The following ZNF366 variants were observed in gnomAD, a reference collection of about 807,000 sequenced individuals.
The protein encoded by ZNF366 is zinc finger protein 366.
A neutral mutation model predicts 47.2 loss-of-function variants in ZNF366; 20 were observed. That is an observed-to-expected ratio of 0.42 (90% confidence interval 0.30 to 0.62). ZNF366 has a LOEUF of 0.62. Among genes scored for constraint, ZNF366 ranks in the 20% least tolerant of loss-of-function variants. The pLI, the probability that ZNF366 is intolerant of heterozygous loss-of-function variation, is 0.16. For synonymous variants in ZNF366, 421 were observed against 395.1 expected, an observed-to-expected ratio of 1.07 and a Z score of -0.78; for missense variants, 987 against 976.3, an observed-to-expected ratio of 1.01 and a Z score of -0.15.
chr5:72,456,880 C>T (rs1373935499), intron 2 of ZNF366, among the ~76,000 whole-genome samples: 3 of 152,020 alleles, frequency 2.0e-5, no homozygotes, highest in Non-Finnish European at 4.4e-5. Context: ...GTTAAGTCTC[C>T]AGTGATAGTT....
intron 1 of ZNF366, among the ~76,000 whole-genome samples, chr5:72,491,247 G>A (rs1482672963): frequency 6.6e-6 from 1 of 152,226 alleles, no homozygotes; most frequent in Non-Finnish European, 1.5e-5. Flanking sequence ...CATCATTGCA[G>A]AATTCATGTT....
intron 1 of ZNF366, among the ~76,000 whole-genome samples, chr5:72,471,616 T>G (rs972810624): frequency 6.6e-6 from 1 of 152,198 alleles, no homozygotes; most frequent in African/African-American, 2.4e-5. Flanking sequence ...CTGCAGCTGT[T>G]CAGTGCCTGG....
chr5:72,454,634 A>G (rs1279276035), intron 3 of ZNF366, among the ~76,000 whole-genome samples: 1 of 152,216 alleles, frequency 6.6e-6, no homozygotes, highest in Non-Finnish European at 1.5e-5. Context: ...TATTTTAGCA[A>G]CTTGACTCCA....
chr5:72,446,317 A>G (rs1030626114), intron 4 of ZNF366, among the ~76,000 whole-genome samples: 3 of 152,254 alleles, frequency 2.0e-5, no homozygotes, highest in African/African-American at 7.2e-5. Flanking sequence ...TGCTTTGATC[A>G]TACTAGTGAC....
chr5:72,457,773 A>G (rs968210281), intron 2 of ZNF366, among the ~76,000 whole-genome samples: 3 of 152,154 alleles, frequency 2.0e-5, no homozygotes, highest in Admixed American at 2.0e-4. Context: ...GTGGTGGGTC[A>G]TGAGAACCCT....
intron 1 of ZNF366, among the ~76,000 whole-genome samples, chr5:72,463,139 G>C (rs1280348255): frequency 6.6e-6 from 1 of 152,194 alleles, no homozygotes; most frequent in Admixed American, 6.5e-5. Context: ...GGGCTGAGAG[G>C]GCCAACAGTT....
intron 4 of ZNF366, among the ~76,000 whole-genome samples, chr5:72,446,200 C>G (rs543673191): frequency 6.6e-6 from 1 of 152,338 alleles, no homozygotes; most frequent in African/African-American, 2.4e-5. Flanking sequence ...AGCAGTTTAT[C>G]TAACACCTCT....
Position 72,460,369 on chromosome 5 carries a change from G to C in ZNF366, c.1128C>G (p.Thr376=). The C allele has an allele frequency of 6.2e-7, 1 of 1,614,246 alleles. No homozygotes were observed. Among genetic ancestry groups the C allele is most frequent in the Non-Finnish European group, 8.5e-7 (1 of 1,180,046 alleles). Residue 376 remains threonine, a synonymous_variant, in exon 2 of 5, where the codon ACC becomes ACG. Transcript: ENST00000318442. ...ICVECGLDFP[T]LAQLKRHLTT... ...TGAGGTGTCTCTTCAGCTGGGCCAAGGTGGGGAAGTCGAGGCCGCACTCCA... is the reference window on the plus strand; with the variant it reads ...TGAGGTGTCTCTTCAGCTGGGCCAACGTGGGGAAGTCGAGGCCGCACTCCA...
intron 1 of ZNF366, among the ~76,000 whole-genome samples, chr5:72,464,773 G>A (rs188433114): frequency 1.3e-5 from 2 of 152,202 alleles, no homozygotes; most frequent in Admixed American, 6.5e-5. Context: ...TAAAAAGTAG[G>A]ATCTCGGCTG....
intron 1 of ZNF366, among the ~76,000 whole-genome samples, chr5:72,474,092 T>C (rs1364302862): frequency 6.6e-6 from 1 of 152,244 alleles, no homozygotes; most frequent in Admixed American, 6.5e-5. Context: ...ACATTATCAT[T>C]ATGGCTTATT....
chr5:72,471,020 C>G (rs4703908), intron 1 of ZNF366, among the ~76,000 whole-genome samples: 31,396 of 152,218 alleles, frequency 0.21, 3,409 homozygotes, highest in East Asian at 0.4. Context: ...ATGAGTCTCT[C>G]AGTGAGTATG....
In ZNF366 at chr5:72,443,853, G is replaced by A; in HGVS notation, c.2138C>T (p.Ser713Phe). Residue 713 changes from serine (S) to phenylalanine (F), a missense_variant, in exon 5 of 5, where the codon TCT becomes TTT. Physicochemically the swap from Ser to Phe is radical, Grantham distance 155 (BLOSUM62 -2). Coordinates refer to ENST00000318442, the MANE Select transcript of ZNF366 (RefSeq NM_152625.3). Reference sequence around the variant, plus strand: ...CTTGAAGTATAAGTAATCAGAAAAAGAGGGGCCCCGCCGGGTACTCTGAAA... The same window carrying A: ...CTTGAAGTATAAGTAATCAGAAAAAAAGGGGCCCCGCCGGGTACTCTGAAA... Reference protein sequence around the residue: ...RAFQSTRRGPSFSDYLYFKHR... With the variant: ...RAFQSTRRGPFFSDYLYFKHR... The A allele has an allele frequency of 6.2e-7, 1 of 1,614,106 alleles. No individual in the cohort carries two copies. The highest frequency in any genetic ancestry group is 8.5e-7 in the Non-Finnish European group (1 of 1,180,028).
Position 72,460,565 on chromosome 5 carries a change from C to T in ZNF366, c.932G>A (p.Cys311Tyr). ...GGTGAAGGCCTTGTGGCACACCTGGCACTTGTGGGGCCGCGTGCCCTGGTG... is the reference window on the plus strand; with the variant it reads ...GGTGAAGGCCTTGTGGCACACCTGGTACTTGTGGGGCCGCGTGCCCTGGTG... ...LTHQGTRPHK[C>Y]QVCHKAFTQT... The change falls in exon 2 of 5, where the codon TGC (cysteine) becomes TAC (tyrosine). Residue 311 changes from cysteine (C) to tyrosine (Y), a missense_variant. Transcript: ENST00000318442. 1 of 1,614,088 alleles carries T rather than the reference C, an allele frequency of 6.2e-7. No individual in the cohort carries two copies. The highest frequency in any genetic ancestry group is 1.1e-5 in the South Asian group (1 of 91,086).
chr5:72,456,487 G>T lies in ZNF366; in HGVS notation c.1441C>A (p.Leu481Ile). Reference sequence around the variant, plus strand: ...TTCTGCACGAAGCTCTTGTAGCAGAGGTGACACTGGTAGGCGCGGATGTTG... The same window carrying T: ...TTCTGCACGAAGCTCTTGTAGCAGATGTGACACTGGTAGGCGCGGATGTTG... ...HTNIRAYQCH[L>I]CYKSFVQKQT... The change falls in exon 3 of 5, where the codon CTC becomes ATC. Residue 481 changes from leucine to isoleucine, a missense_variant. Leu to Ile is a conservative substitution (Grantham distance 5). Transcript: ENST00000318442. The T allele has an allele frequency of 6.2e-7, 1 of 1,614,020 alleles. No homozygotes were observed.
At chr5:72,484,498 T>TA (rs1355763202) in intron 1 of ZNF366, among the ~76,000 whole-genome samples, 1 of 130,732 alleles carries the variant, frequency 7.6e-6, no homozygotes, top group Non-Finnish European at 1.7e-5. Flanking sequence ...AAAAAAAAAA[T>TA]AATAATAATA....
At chr5:72,450,737 G>C (rs1053614661) in intron 3 of ZNF366, among the ~76,000 whole-genome samples, 1 of 152,044 alleles carries the variant, frequency 6.6e-6, no homozygotes. Flanking sequence ...AAGCCTTTAG[G>C]TTCTTATCCA....
chr5:72,480,034 C>T (rs138829860), intron 1 of ZNF366, among the ~76,000 whole-genome samples: 104 of 152,302 alleles, frequency 6.8e-4, no homozygotes, highest in African/African-American at 2.1e-3. Context: ...GTGGCATACA[C>T]GGTCCAAGGC....
At chr5:72,472,986 T>C (rs1416830491) in intron 1 of ZNF366, among the ~76,000 whole-genome samples, 1 of 152,150 alleles carries the variant, frequency 6.6e-6, no homozygotes, top group African/African-American at 2.4e-5. Flanking sequence ...CCTCATGGGG[T>C]ATTGCATAAT....
intron 3 of ZNF366, among the ~76,000 whole-genome samples, chr5:72,448,432 C>T (rs1402236468): frequency 6.6e-6 from 1 of 152,200 alleles, no homozygotes; most frequent in Non-Finnish European, 1.5e-5. Context: ...CAGAAGCAGA[C>T]TTCTCTGGGG....
Sources: allele counts gnomAD v4.1 joint callset (sites outside exome capture counted in the v4.1 genomes callset), GRCh38; gene constraint gnomAD v4.1.1; transcripts MANE v1.5; gene names NCBI Gene and HGNC (gene_info 2026-07-23, HGNC 2026-07-21).